Variants in ME1 observed in about 807,000 individuals in gnomAD.
ME1 encodes NADP-dependent malic enzyme.
In ME1, 74 loss-of-function variants were observed where a neutral mutation model predicts 66.4. The observed-to-expected ratio is 1.11, with a 90% CI of 0.92 to 1.35. The LOEUF (loss-of-function observed/expected upper bound fraction) is 1.35. Ranked by LOEUF, ME1 falls within the 40% of genes most tolerant of loss-of-function variation. The probability of loss-of-function intolerance (pLI) is 0.00; values close to 1 mark genes in which losing one functional copy is unlikely to be tolerated. For missense variants in ME1, 750 were observed against 694.1 expected (o/e 1.08, Z -0.90); for synonymous variants, 251 against 235.6 (o/e 1.07, Z -0.60).
In ME1 at chr6:83,398,420, A is replaced by T; in HGVS notation, c.309T>A (p.Thr103=). The change falls in exon 3 of 14, where the codon ACT becomes ACA. Residue 103 remains threonine, a synonymous_variant. Transcript: ENST00000369705. ...DIEKFMPIVY[T]PTVGLACQQY... ...GTTGGCAAGCCAGACCCACAGTGGG[A>T]GTATAAACAATAGGCATGAATTTCT... 4 of 1,604,024 alleles carry T rather than the reference A, an allele frequency of 2.5e-6. No individual in the cohort carries two copies. The highest frequency in any genetic ancestry group is 2.2e-5 in the South Asian group (2 of 89,110).
chr6:83,398,091 C>G (rs1769771716), intron 3 of ME1, among the ~76,000 whole-genome samples: 1 of 151,990 alleles, frequency 6.6e-6, no homozygotes, highest in African/African-American at 2.4e-5. Context: ...GTGACTATTG[C>G]TAAGGATAAT....
intron 3 of ME1, chr6:83,392,640 T>C (rs1769644116): frequency 1.7e-6 from 1 of 586,248 alleles, no homozygotes; most frequent in Non-Finnish European, 3.3e-6. Flanking sequence ...ATCTCATCAC[T>C]ATTTTCCAGG....
intron 5 of ME1, among the ~76,000 whole-genome samples, chr6:83,325,764 C>A (rs1189449506): frequency 5.3e-5 from 8 of 151,928 alleles, no homozygotes; most frequent in African/African-American, 1.9e-4. Context: ...TAGGAAGAGT[C>A]AATATCATGA....
intron 5 of ME1, among the ~76,000 whole-genome samples, chr6:83,322,551 T>C (rs1768199759): frequency 6.6e-6 from 1 of 152,056 alleles, no homozygotes; most frequent in Non-Finnish European, 1.5e-5. Flanking sequence ...GAAGAGAGGA[T>C]ATCTGAGATT....
chr6:83,345,245 A>G (rs1253588961), intron 5 of ME1, among the ~76,000 whole-genome samples: 2 of 152,228 alleles, frequency 1.3e-5, no homozygotes, highest in Non-Finnish European at 2.9e-5. Flanking sequence ...ATAATTTCTA[A>G]GCCACTTCTA....
At chr6:83,284,783 C>G (rs893351399) in intron 6 of ME1, among the ~76,000 whole-genome samples, 7 of 152,086 alleles carry the variant, frequency 4.6e-5, no homozygotes, top group South Asian at 2.1e-4. Context: ...TCCTTAAGAT[C>G]AGGAACAAGA....
intron 6 of ME1, among the ~76,000 whole-genome samples, chr6:83,271,693 A>G (rs1767084362): frequency 1.3e-5 from 2 of 152,180 alleles, no homozygotes. Context: ...AGGCGAATAC[A>G]GATTCAGAGC....
intron 7 of ME1, among the ~76,000 whole-genome samples, chr6:83,240,824 C>A (rs1423856801): frequency 6.6e-6 from 1 of 152,056 alleles, no homozygotes; most frequent in Non-Finnish European, 1.5e-5. Context: ...CTTTTAGTTT[C>A]TTTCTTGTAT....
intron 6 of ME1, among the ~76,000 whole-genome samples, chr6:83,269,219 TA>T (rs1476654749): frequency 2.6e-5 from 4 of 152,156 alleles, no homozygotes; most frequent in Non-Finnish European, 5.9e-5. Context: ...ATTTATTTTC[TA>T]AATCTTGTTC....
chr6:83,367,501 G>A (rs1220901035), intron 3 of ME1, among the ~76,000 whole-genome samples: 1 of 152,128 alleles, frequency 6.6e-6, no homozygotes, highest in African/African-American at 2.4e-5. Flanking sequence ...GTTTAGTGTG[G>A]CCACCTTCAT....
chr6:83,418,778 T>A (rs945337189), intron 1 of ME1, among the ~76,000 whole-genome samples: 1 of 152,152 alleles, frequency 6.6e-6, no homozygotes, highest in Non-Finnish European at 1.5e-5. Context: ...GGATATTATA[T>A]GAAAAGCTAC....
At chr6:83,345,844 C>T (rs1768674935) in intron 5 of ME1, among the ~76,000 whole-genome samples, 1 of 151,942 alleles carries the variant, frequency 6.6e-6, no homozygotes. Flanking sequence ...TAATAAATCC[C>T]ATGGTATTAG....
At chr6:83,399,286 G>A (rs935662360) in intron 2 of ME1, among the ~76,000 whole-genome samples, 25 of 152,106 alleles carry the variant, frequency 1.6e-4, no homozygotes, top group African/African-American at 5.5e-4. Context: ...ATGAGCCACC[G>A]CACCCAGACA....
intron 6 of ME1, among the ~76,000 whole-genome samples, chr6:83,310,821 T>C (rs1233467861): frequency 6.6e-6 from 1 of 152,166 alleles, no homozygotes; most frequent in Admixed American, 6.6e-5. Context: ...GATACAAAGA[T>C]GTTCTCAGCT....
chr6:83,346,374 C>T, intron 4 of ME1, 40 bp from the exon 5 acceptor site: 1 of 1,476,820 alleles, frequency 6.8e-7, no homozygotes, highest in East Asian at 2.4e-5. Context: ...CAAGTTTTCA[C>T]AAATCCTGAG....
At chr6:83,413,662 T>C (rs1770094543) in intron 1 of ME1, among the ~76,000 whole-genome samples, 2 of 152,206 alleles carry the variant, frequency 1.3e-5, no homozygotes. Context: ...ACATAGTTTA[T>C]GTGCATATTT....
chr6:83,425,538 T>A (rs974401798), intron 1 of ME1, among the ~76,000 whole-genome samples: 3 of 152,058 alleles, frequency 2.0e-5, no homozygotes. Flanking sequence ...AAGCCCCTTA[T>A]AAAACCATCA....
chr6:83,425,756 T>C (rs555915641), intron 1 of ME1, among the ~76,000 whole-genome samples: 1 of 152,350 alleles, frequency 6.6e-6, no homozygotes, highest in Non-Finnish European at 1.5e-5. Flanking sequence ...CATTACCTGA[T>C]TATTGAAAAA....
At chr6:83,319,350 A>G (rs1008646342) in intron 5 of ME1, among the ~76,000 whole-genome samples, 6 of 151,586 alleles carry the variant, frequency 4.0e-5, no homozygotes, top group Non-Finnish European at 7.4e-5. Context: ...AAAAGATAGG[A>G]AAAAAAACAA....
Sources: gnomAD v4.1 joint callset for allele counts (sites outside exome capture counted in the v4.1 genomes callset) on GRCh38, gnomAD v4.1.1 for gene constraint, MANE v1.5 for transcripts, NCBI Gene and HGNC (gene_info 2026-07-23, HGNC 2026-07-21) for gene names.